Variants in MYRIP observed in about 807,000 individuals in gnomAD.
MYRIP encodes the protein rab effector MyRIP.
MYRIP carries 49 observed loss-of-function variants against 98.0 expected under a neutral mutation model. That is an observed-to-expected ratio of 0.50 (90% CI 0.40 to 0.63). The LOEUF (loss-of-function observed/expected upper bound fraction) is 0.63, where lower values mean the gene tolerates loss of function less well. Ranked by LOEUF, MYRIP falls within the 30% of genes least tolerant of loss-of-function variation. The probability of loss-of-function intolerance (pLI) is 0.00; values close to 1 mark genes in which losing one functional copy is unlikely to be tolerated. For missense variants in MYRIP, 1,004 were observed against 1,058.2 expected, an observed-to-expected ratio of 0.95 and a Z score of 0.71; for synonymous variants, 404 against 409.5, an observed-to-expected ratio of 0.99 and a Z score of 0.16.
chr3:39,918,432 AT>A (rs1944224190), intron 2 of MYRIP, among the ~76,000 whole-genome samples: 1 of 152,104 alleles, frequency 6.6e-6, no homozygotes, highest in Non-Finnish European at 1.5e-5. Flanking sequence ...ACCCCTAGTC[AT>A]CCATTTTGCA....
At chr3:40,001,893 C>G (rs1046446537) in intron 2 of MYRIP, among the ~76,000 whole-genome samples, 1 of 152,106 alleles carries the variant, frequency 6.6e-6, no homozygotes. Context: ...ACTCTGGTGA[C>G]TGGTTAGACA....
At chr3:39,851,853 G>GT (rs1227347949) in intron 1 of MYRIP, among the ~76,000 whole-genome samples, 1 of 152,042 alleles carries the variant, frequency 6.6e-6, no homozygotes. Flanking sequence ...TAGTTTTGTG[G>GT]TGATGGCATT....
chr3:39,949,833 T>A (rs559940919), intron 2 of MYRIP, among the ~76,000 whole-genome samples: 14 of 152,312 alleles, frequency 9.2e-5, no homozygotes, highest in African/African-American at 3.1e-4. Context: ...TCTTTTGTTT[T>A]AATTTTATCT....
intron 1 of MYRIP, among the ~76,000 whole-genome samples, chr3:39,864,317 GA>G (rs1310191178): frequency 6.6e-6 from 1 of 150,886 alleles, no homozygotes; most frequent in Non-Finnish European, 1.5e-5. Context: ...TGGACAAGAG[GA>G]AAAAAAATAC....
intron 2 of MYRIP, among the ~76,000 whole-genome samples, chr3:39,969,445 G>A (rs1321386680): frequency 7.0e-6 from 1 of 143,716 alleles, no homozygotes; most frequent in Non-Finnish European, 1.6e-5. Context: ...TCAGTATAAT[G>A]TTGGCTGTGG....
chr3:39,898,163 C>G (rs1405270810), intron 1 of MYRIP, among the ~76,000 whole-genome samples: 1 of 152,096 alleles, frequency 6.6e-6, no homozygotes, highest in African/African-American at 2.4e-5. Context: ...TTAACTGAAA[C>G]CTAGTGCAAG....
At chr3:40,015,082 G>A (rs1448756307) in intron 2 of MYRIP, among the ~76,000 whole-genome samples, 2 of 152,204 alleles carry the variant, frequency 1.3e-5, no homozygotes, top group East Asian at 1.9e-4. Context: ...AAGAATGAGA[G>A]ATGACCTCAA....
intron 11 of MYRIP, among the ~76,000 whole-genome samples, chr3:40,215,508 C>G (rs1176387193): frequency 2.0e-5 from 3 of 152,084 alleles, no homozygotes; most frequent in Non-Finnish European, 4.4e-5. Context: ...CATGGAAACC[C>G]AATCCTGGTG....
chr3:40,151,152 G>T lies in MYRIP; in HGVS notation c.437G>T (p.Arg146Leu), dbSNP rs200900937. 5.0e-6 allele frequency: 8 copies of T among 1,609,600 alleles called. No homozygotes were observed. The highest frequency in any genetic ancestry group is 6.8e-6 in the Non-Finnish European group (8 of 1,177,766). ...KVLKNLYRKH[R>L]LESGACFDIL... is the part of the protein sequence containing the mutation. The stretch of plus-strand genomic sequence containing the variant: ...CTGAAGAACCTGTACAGGAAGCACC[G>T]GCTGGAGAGTGGCGCGTGCTTCGAC... Residue 146 changes from arginine (R) to leucine (L), a missense_variant, in exon 4 of 17, where the codon CGG becomes CTG. This residue lies in a region of MYRIP where 880 missense variants were observed against 907.7 expected (regional missense o/e 0.97). Coordinates refer to ENST00000302541, the MANE Select transcript of MYRIP (RefSeq NM_015460.4).
chr3:40,027,545 A>G (rs1947162278), intron 2 of MYRIP, among the ~76,000 whole-genome samples: 2 of 152,258 alleles, frequency 1.3e-5, no homozygotes, highest in Non-Finnish European at 2.9e-5. Context: ...ACTTCCCCAG[A>G]GAAGCCCTCT....
At chr3:40,169,824 C>T (rs1950573484) in intron 7 of MYRIP, 126 bp from the exon 8 acceptor site, 2 of 1,065,472 alleles carry the variant, frequency 1.9e-6, no homozygotes, top group Admixed American at 4.3e-5. Context: ...CTGAAACAGC[C>T]TGGTGTTCTG....
chr3:39,866,207 TA>T (rs200666613), intron 1 of MYRIP, among the ~76,000 whole-genome samples: 10 of 150,108 alleles, frequency 6.7e-5, no homozygotes, highest in South Asian at 2.1e-4. Context: ...GTTAAGGATT[TA>T]AAAAAAAAAT....
intron 3 of MYRIP, among the ~76,000 whole-genome samples, chr3:40,074,374 T>C (rs1441546711): frequency 6.6e-6 from 1 of 152,138 alleles, no homozygotes; most frequent in East Asian, 1.9e-4. Flanking sequence ...CTCCTACCTA[T>C]GCATTCTTAT....
intron 13 of MYRIP, among the ~76,000 whole-genome samples, chr3:40,246,184 C>T (rs1170196192): frequency 2.0e-5 from 3 of 149,666 alleles, no homozygotes; most frequent in Non-Finnish European, 3.0e-5. Flanking sequence ...GTTTTTTTTT[C>T]GGCCAAGATT....
At chr3:40,189,804 T>C in intron 9 of MYRIP, 22 bp from the exon 10 acceptor site, 1 of 1,577,876 alleles carries the variant, frequency 6.3e-7, no homozygotes, top group East Asian at 2.2e-5. Context: ...CTCTCTGCTT[T>C]CTCTATCCTC....
At chr3:40,185,465 G>T (rs953218612) in intron 9 of MYRIP, among the ~76,000 whole-genome samples, 78 of 152,312 alleles carry the variant, frequency 5.1e-4, no homozygotes, top group Admixed American at 5.0e-3. Context: ...GAAAGAGGAA[G>T]AGGGAGCAGG....
At chr3:39,943,748 G>A (rs974292465) in intron 2 of MYRIP, among the ~76,000 whole-genome samples, 1 of 152,096 alleles carries the variant, frequency 6.6e-6, no homozygotes, top group Non-Finnish European at 1.5e-5. Flanking sequence ...ATCAATTCTC[G>A]TTAGATGTGG....
chr3:39,812,447 C>T (rs1300154497), intron 1 of MYRIP, among the ~76,000 whole-genome samples: 1 of 152,160 alleles, frequency 6.6e-6, no homozygotes, highest in African/African-American at 2.4e-5. Context: ...TCCCACCACA[C>T]CTTGATCATT....
Position 40,090,236 on chromosome 3 carries a change from A to G in MYRIP, c.332+45965A>G, listed in dbSNP as rs9816416. On this transcript the variant is annotated intron_variant, in intron 3 of 16. Coordinates refer to ENST00000302541, the MANE Select transcript of MYRIP (RefSeq NM_015460.4). ...TGATGATCACGGAGCCCTGTGACAC[A>G]TTCCTCAGAGATCCAGGTGCTGGCT... 7.0e-3 allele frequency among the ~76,000 whole-genome samples: 1,072 copies of G among 152,200 alleles called. 17 individuals are homozygous for G. Among genetic ancestry groups the G allele is most frequent in the African/African-American group, 0.024 (1,013 of 41,516 alleles).
Sources: allele counts gnomAD v4.1 joint callset (sites outside exome capture counted in the v4.1 genomes callset), GRCh38; gene constraint gnomAD v4.1.1; regional missense constraint gnomAD v4.1.1; transcripts MANE v1.5; gene names NCBI Gene and HGNC (gene_info 2026-07-23, HGNC 2026-07-21).